ADAMTS16: variants seen among roughly 807,000 people sequenced by gnomAD.
The protein encoded by ADAMTS16 is ADAM metallopeptidase with thrombospondin type 1 motif 16.
ADAMTS16 carries 94 observed loss-of-function variants against 145.8 expected under a neutral mutation model. That is an observed-to-expected ratio of 0.64 (90% CI 0.55 to 0.77). ADAMTS16 has a LOEUF of 0.77. ADAMTS16 is among the 30% of genes least tolerant of loss of function. The probability of loss-of-function intolerance (pLI) is 0.00; values close to 1 mark genes in which losing one functional copy is unlikely to be tolerated. For synonymous variants in ADAMTS16, 659 were observed against 604.3 expected (o/e 1.09, Z -1.33); for missense variants, 1,585 against 1,591.5 (o/e 1.00, Z 0.07).
chr5:5,309,330 AT>A (rs918670658), intron 21 of ADAMTS16, among the ~76,000 whole-genome samples: 13 of 151,512 alleles, frequency 8.6e-5, no homozygotes, highest in African/African-American at 2.7e-4. Context: ...ATTTTGTGAA[AT>A]TTTTTTTTCA....
intron 18 of ADAMTS16, among the ~76,000 whole-genome samples, chr5:5,263,637 G>A (rs1738118542): frequency 6.6e-6 from 1 of 152,240 alleles, no homozygotes; most frequent in African/African-American, 2.4e-5. Flanking sequence ...AGCCAGACCA[G>A]GCGTGTTGCC....
At chr5:5,225,796 A>G (rs1025004367) in intron 11 of ADAMTS16, among the ~76,000 whole-genome samples, 3 of 152,164 alleles carry the variant, frequency 2.0e-5, no homozygotes, top group African/African-American at 7.2e-5. Context: ...GCAAATATGC[A>G]TTTGCCTGGG....
intron 11 of ADAMTS16, among the ~76,000 whole-genome samples, chr5:5,230,126 G>A (rs1289094850): frequency 2.6e-5 from 4 of 152,130 alleles, no homozygotes; most frequent in East Asian, 1.9e-4. Flanking sequence ...CCCAGGGGAC[G>A]TGTTCAATGG....
intron 10 of ADAMTS16, among the ~76,000 whole-genome samples, chr5:5,215,237 C>T (rs914069782): frequency 9.9e-5 from 15 of 152,204 alleles, no homozygotes; most frequent in Non-Finnish European, 1.3e-4. Flanking sequence ...CTTTTTCTGT[C>T]ACTGATGTAG....
At chr5:5,188,745 G>A (rs899926867) in intron 6 of ADAMTS16, among the ~76,000 whole-genome samples, 4 of 152,152 alleles carry the variant, frequency 2.6e-5, no homozygotes, top group African/African-American at 9.7e-5. Flanking sequence ...TGTGCATGGT[G>A]GGGGCATGTG....
At position 5,245,495 on chromosome 5, in the gene ADAMTS16, A is replaced by T. The variant is rs181080307; in HGVS notation, c.2662+3304A>T. The stretch of plus-strand genomic sequence containing the variant: ...TAGATGGTATTTTCCTCTTATCTGC[A>T]TATTGTATAATTTTTAAGACTTCTA... On this transcript the variant is annotated intron_variant, in intron 17 of 22. Coordinates refer to ENST00000274181, the MANE Select transcript of ADAMTS16 (RefSeq NM_139056.4). 1.3e-5 allele frequency among the ~76,000 whole-genome samples: 2 copies of T among 152,328 alleles called. 1 individual carries two copies. The highest frequency in any genetic ancestry group is 1.3e-4 in the Admixed American group (2 of 15,292).
At chr5:5,212,644 C>G (rs951846994) in intron 10 of ADAMTS16, among the ~76,000 whole-genome samples, 3 of 152,062 alleles carry the variant, frequency 2.0e-5, no homozygotes, top group Non-Finnish European at 2.9e-5. Flanking sequence ...ATCACTTTTT[C>G]CATTCTTTTG....
chr5:5,282,551 G>A (rs780917069), intron 18 of ADAMTS16, among the ~76,000 whole-genome samples: 31 of 152,084 alleles, frequency 2.0e-4, no homozygotes, highest in Non-Finnish European at 3.4e-4. Context: ...TCCCTGTGGC[G>A]CTGGCTTCTC....
intron 18 of ADAMTS16, among the ~76,000 whole-genome samples, chr5:5,297,994 C>T (rs774297475): frequency 3.1e-4 from 47 of 152,138 alleles, no homozygotes; most frequent in Non-Finnish European, 5.9e-5. Flanking sequence ...TGTTCCTTGC[C>T]AACCAGTCAT....
chr5:5,198,545 C>A (rs1462032426), intron 8 of ADAMTS16, among the ~76,000 whole-genome samples: 1 of 152,110 alleles, frequency 6.6e-6, no homozygotes, highest in Admixed American at 6.5e-5. Context: ...CTCGGTAACC[C>A]TGGATGTAGT....
Position 5,313,528 on chromosome 5 carries a change from G to A in ADAMTS16, c.3412-4606G>A, listed in dbSNP as rs377705840. Among the ~76,000 whole-genome samples, 16 of 152,320 alleles carry A rather than the reference G, an allele frequency of 1.1e-4. No individual in the cohort carries two copies. In the East Asian group the frequency reaches 3.1e-3, roughly 29 times the overall value. The stretch of plus-strand genomic sequence containing the variant: ...TGCATGCGATCACCTGTTGGAAACT[G>A]ACCCCACATGCAGAGACAGGGTGTG... On this transcript the variant is annotated intron_variant, in intron 21 of 22. Coordinates refer to ENST00000274181, the MANE Select transcript of ADAMTS16 (RefSeq NM_139056.4).
At chr5:5,189,808 G>C (rs996682877) in intron 6 of ADAMTS16, among the ~76,000 whole-genome samples, 163 bp from the exon 7 acceptor site, 2 of 152,204 alleles carry the variant, frequency 1.3e-5, no homozygotes, top group Non-Finnish European at 2.9e-5. Context: ...GGATCTGTAC[G>C]GGTTTTATAG....
chr5:5,259,031 A>G (rs534248225), intron 17 of ADAMTS16, among the ~76,000 whole-genome samples: 2 of 152,232 alleles, frequency 1.3e-5, no homozygotes, highest in South Asian at 4.2e-4. Flanking sequence ...TTTGGGGCAC[A>G]TTGTTGCCCA....
chr5:5,151,407 T>C (rs1478876567), intron 3 of ADAMTS16, among the ~76,000 whole-genome samples: 2 of 151,546 alleles, frequency 1.3e-5, no homozygotes, highest in Non-Finnish European at 2.9e-5. Flanking sequence ...CCCAGCAAAT[T>C]TTTTGTGTCT....
rs748937514 is a variant in ADAMTS16 at position 5,239,861 on chromosome 5, G to A, written c.2459G>A (p.Arg820Gln). Residue 820 changes from arginine (R) to glutamine (Q), a missense_variant, in exon 16 of 23, where the codon CGG becomes CAG. Around this residue, in one of 3 missense-constraint regions of ADAMTS16, gnomAD observed 834 missense variants for 811.7 expected, o/e 1.03. Transcript: ENST00000274181. ...KFSGTTFDYRRSYNEPENLIA... is the reference protein window; with the variant it reads ...KFSGTTFDYRQSYNEPENLIA... Reference sequence around the variant, plus strand: ...TCGGGCACTACTTTCGACTACAGACGGTCCTATAATGAGCCCGAGAACTTA... The same window carrying A: ...TCGGGCACTACTTTCGACTACAGACAGTCCTATAATGAGCCCGAGAACTTA... The A allele has an allele frequency of 5.6e-5, 91 of 1,613,918 alleles. No individual in the cohort carries two copies. The highest frequency in any genetic ancestry group is 4.5e-4 in the East Asian group (20 of 44,876).
rs1332368731 is a variant in ADAMTS16 at position 5,140,785 on chromosome 5, G to A, written c.175+19G>A. On this transcript the variant is annotated intron_variant, in intron 2 of 22. Transcript: ENST00000274181. ...AAGGGCGGTAAGTCCGTGAGGTGGG[G>A]GCTTCTAATCCTTGCCATTTAGCAG... 1.3e-6 allele frequency: 2 copies of A among 1,543,064 alleles called. No individual in the cohort carries two copies. The highest frequency in any genetic ancestry group is 1.7e-6 in the Non-Finnish European group (2 of 1,143,778).
intron 17 of ADAMTS16, among the ~76,000 whole-genome samples, chr5:5,248,106 C>G (rs1248457436): frequency 6.6e-6 from 1 of 152,222 alleles, no homozygotes; most frequent in African/African-American, 2.4e-5. Flanking sequence ...ATTTATGGAA[C>G]ACCGTCTGGT....
rs752743384 is a variant in ADAMTS16, at chr5:5,303,637, G to A, written c.3057G>A (p.Ser1019=). 2.5e-6 allele frequency: 4 copies of A among 1,614,096 alleles called. No individual in the cohort carries two copies. Among genetic ancestry groups the A allele is most frequent in the Non-Finnish European group, 3.4e-6 (4 of 1,180,026 alleles). Residue 1019 remains serine (S), a synonymous_variant, in exon 20 of 23, where the codon TCG becomes TCA. Transcript: ENST00000274181. ...TGGCCTGTAAGAGCACCAACCCCTCGGCCAGAGCGCAGCTGCTGCCCGACG... is the reference window on the plus strand; with the variant it reads ...TGGCCTGTAAGAGCACCAACCCCTCAGCCAGAGCGCAGCTGCTGCCCGACG... ...RAVACKSTNP[S]ARAQLLPDAV...
intron 9 of ADAMTS16, among the ~76,000 whole-genome samples, chr5:5,205,460 A>T (rs1359220748): frequency 6.6e-6 from 1 of 152,178 alleles, no homozygotes; most frequent in Non-Finnish European, 1.5e-5. Context: ...CATTTTATCC[A>T]TGTGGTTATT....
Sources: allele counts gnomAD v4.1 joint callset (sites outside exome capture counted in the v4.1 genomes callset), GRCh38; gene constraint gnomAD v4.1.1; regional missense constraint gnomAD v4.1.1; transcripts MANE v1.5; gene names NCBI Gene and HGNC (gene_info 2026-07-23, HGNC 2026-07-21).